Variants in RTN4R observed in about 807,000 individuals in gnomAD.
RTN4R encodes reticulon 4 receptor.
In RTN4R, 4 loss-of-function variants were observed where a neutral mutation model predicts 27.7. The observed-to-expected ratio is 0.14, with a 90% CI of 0.07 to 0.33. The LOEUF is 0.33. RTN4R is among the 10% of genes least tolerant of loss of function. The pLI, the probability that RTN4R is intolerant of heterozygous loss-of-function variation, is 1.00. For synonymous variants in RTN4R, 290 were observed against 305.6 expected, an observed-to-expected ratio of 0.95 and a Z score of 0.53; for missense variants, 554 against 671.5, an observed-to-expected ratio of 0.83 and a Z score of 1.93.
chr22:20,265,503 G>A (rs971107411), intron 1 of RTN4R, among the ~76,000 whole-genome samples: 6 of 152,170 alleles, frequency 3.9e-5, no homozygotes, highest in African/African-American at 7.2e-5. Context: ...GCAAACCTAC[G>A]TTTCTGCCAG....
chr22:20,243,735 C>T (rs1311109666), intron 1 of RTN4R: 2 of 346,898 alleles, frequency 5.8e-6, no homozygotes, highest in Admixed American at 8.4e-5. Flanking sequence ...CTGAAGCCTC[C>T]GCCCCCTGGC....
At position 20,242,333 on chromosome 22, in the gene RTN4R, C is replaced by T. The variant is rs1213179762; in HGVS notation, c.800G>A (p.Arg267Gln). 8.7e-6 allele frequency: 14 copies of T among 1,611,178 alleles called. No individual in the cohort carries two copies. The highest frequency in any genetic ancestry group is 4.5e-5 in the East Asian group (2 of 44,810). Residue 267 changes from arginine (R) to glutamine (Q), a missense_variant, in exon 2 of 2, where the codon CGG becomes CAG. By Grantham distance (43) the Arg-to-Gln change is conservative. Coordinates refer to ENST00000043402, the MANE Select transcript of RTN4R (RefSeq NM_023004.6). The stretch of plus-strand genomic sequence containing the variant: ...CAGCCAGGCCCAGAGTGGGCGTGCC[C>T]GGCAGTCACACACCCAGGGGTTGTC... ...LNDNPWVCDCRARPLWAWLQK... is the reference protein window; with the variant it reads ...LNDNPWVCDCQARPLWAWLQK...
intron 1 of RTN4R, among the ~76,000 whole-genome samples, chr22:20,259,210 G>A (rs1047802670): frequency 5.5e-4 from 84 of 152,206 alleles, no homozygotes; most frequent in Admixed American, 5.9e-4. Context: ...CCTCCGCTCC[G>A]GCAGCGGGTG....
chr22:20,248,942 G>A (rs540307461), intron 1 of RTN4R, among the ~76,000 whole-genome samples: 23 of 152,212 alleles, frequency 1.5e-4, no homozygotes, highest in South Asian at 1.4e-3. Context: ...CTCACTGGAG[G>A]TGCACCCTCC....
chr22:20,262,825 T>A (rs1265611569), intron 1 of RTN4R, among the ~76,000 whole-genome samples: 6 of 152,212 alleles, frequency 3.9e-5, no homozygotes, highest in Admixed American at 6.5e-5. Context: ...TGCCCAGCCT[T>A]GGGGAATGGG....
chr22:20,263,039 G>A lies in RTN4R; in HGVS notation c.22+5032C>T, dbSNP rs578036091. On this transcript the variant is annotated intron_variant, in intron 1 of 1. Coordinates refer to ENST00000043402, the MANE Select transcript of RTN4R (RefSeq NM_023004.6). Reference sequence around the variant, plus strand: ...GCCTAGCCCTGCCCCCTTCCTTGACGGGCCCCTCACCCAGCCTCAGCCTTG... The same window carrying A: ...GCCTAGCCCTGCCCCCTTCCTTGACAGGCCCCTCACCCAGCCTCAGCCTTG... Among the ~76,000 whole-genome samples, 7 of 152,300 alleles carry A rather than the reference G, an allele frequency of 4.6e-5. No homozygotes were observed. The South Asian group carries it at 6.2e-4, about 14-fold the overall frequency.
In RTN4R at chr22:20,267,832, A is replaced by T. The variant is rs367897714; in HGVS notation, c.22+239T>A. ...CGGACCGCCACCCTCGGCCCTGCCGAAGCCGTCAACTTTCCCGGGAAGCGG... is the reference window on the plus strand; with the variant it reads ...CGGACCGCCACCCTCGGCCCTGCCGTAGCCGTCAACTTTCCCGGGAAGCGG... On this transcript the variant is annotated intron_variant, in intron 1 of 1. Transcript: ENST00000043402. The T allele has an allele frequency of 3.9e-3, 1,390 of 353,240 alleles. 13 individuals are homozygous for T. The highest frequency in any genetic ancestry group is 0.029 in the African/African-American group (1,255 of 43,790). 21.9% of individuals were successfully genotyped at this position (353,240 alleles called of 1,614,324 possible).
chr22:20,260,435 G>C (rs2051238514), intron 1 of RTN4R, among the ~76,000 whole-genome samples: 1 of 152,174 alleles, frequency 6.6e-6, no homozygotes, highest in South Asian at 2.1e-4. Flanking sequence ...CCACAAAGGA[G>C]GGGGCACCAG....
intron 1 of RTN4R, among the ~76,000 whole-genome samples, chr22:20,256,896 C>T (rs1222722856): frequency 6.6e-6 from 1 of 152,232 alleles, no homozygotes; most frequent in Admixed American, 6.5e-5. Flanking sequence ...CCACGGTCTC[C>T]TTGACACCCC....
chr22:20,265,817 C>T (rs538785252), intron 1 of RTN4R, among the ~76,000 whole-genome samples: 1 of 152,302 alleles, frequency 6.6e-6, no homozygotes, highest in African/African-American at 2.4e-5. Flanking sequence ...GGCAGAAGCA[C>T]CAGAGTCAGA....
chr22:20,249,333 C>T (rs1009096760), intron 1 of RTN4R: 14 of 445,364 alleles, frequency 3.1e-5, no homozygotes, highest in Admixed American at 9.3e-5. Flanking sequence ...TGACCCTGCC[C>T]GCTACCTGGT....
At chr22:20,262,003 C>A (rs540224439) in intron 1 of RTN4R, among the ~76,000 whole-genome samples, 1 of 152,184 alleles carries the variant, frequency 6.6e-6, no homozygotes. Context: ...ACTTGAATCC[C>A]GGGGTGGGGA....
At chr22:20,264,844 C>G (rs1472582839) in intron 1 of RTN4R, among the ~76,000 whole-genome samples, 1 of 152,194 alleles carries the variant, frequency 6.6e-6, no homozygotes, top group Non-Finnish European at 1.5e-5. Flanking sequence ...GTCAGGCTCA[C>G]CAGAATGGGG....
intron 1 of RTN4R, among the ~76,000 whole-genome samples, chr22:20,267,242 G>T (rs994675251): frequency 3.3e-5 from 5 of 152,254 alleles, no homozygotes; most frequent in Non-Finnish European, 4.4e-5. Flanking sequence ...ACAAGTGCAC[G>T]TGCAAGGAAA....
At chr22:20,263,168 C>T (rs1356402804) in intron 1 of RTN4R, among the ~76,000 whole-genome samples, 1 of 152,230 alleles carries the variant, frequency 6.6e-6, no homozygotes, top group Non-Finnish European at 1.5e-5. Flanking sequence ...GTGGTCCCTC[C>T]ACCCACTGGG....
In RTN4R at chr22:20,264,792, G is replaced by A. The variant is rs553089227; in HGVS notation, c.22+3279C>T. ...CGCAGACCCTGAGGCCCAGGCCCTG[G>A]GTGGCTGCAGAGGGTCAGGCAGACC... On this transcript the variant is annotated intron_variant, in intron 1 of 1. Transcript: ENST00000043402. Among the ~76,000 whole-genome samples the A allele has an allele frequency of 2.6e-5, 4 of 152,306 alleles. No homozygotes were observed. In the South Asian group the frequency reaches 6.2e-4, roughly 24 times the overall value.
At chr22:20,258,848 G>T (rs2145982412) in intron 1 of RTN4R, among the ~76,000 whole-genome samples, 1 of 152,328 alleles carries the variant, frequency 6.6e-6, no homozygotes, top group South Asian at 2.1e-4. Context: ...GGGTGGTTGG[G>T]GTGGCTTCCC....
At chr22:20,264,952 C>T (rs563182628) in intron 1 of RTN4R, among the ~76,000 whole-genome samples, 28 of 152,334 alleles carry the variant, frequency 1.8e-4, no homozygotes, top group Admixed American at 8.5e-4. Context: ...GGCTCACACA[C>T]GCATTTGTTC....
chr22:20,244,970 C>T (rs146148610), intron 1 of RTN4R, among the ~76,000 whole-genome samples: 3 of 152,290 alleles, frequency 2.0e-5, no homozygotes, highest in Admixed American at 6.5e-5. Flanking sequence ...GCCACCATCC[C>T]ACCACTGTCC....
Sources: allele counts gnomAD v4.1 joint callset (sites outside exome capture counted in the v4.1 genomes callset), GRCh38; gene constraint gnomAD v4.1.1; transcripts MANE v1.5; gene names NCBI Gene and HGNC (gene_info 2026-07-23, HGNC 2026-07-21).